The following SRGAP2B variants were observed in gnomAD, a reference collection of about 807,000 sequenced individuals.
SRGAP2B encodes the protein SLIT-ROBO Rho GTPase activating protein 2B, also known as SLIT-ROBO Rho GTPase-activating protein 2B.
A neutral mutation model predicts 22.2 loss-of-function variants in SRGAP2B; 9 were observed. The observed-to-expected ratio is 0.41, with a 90% CI of 0.24 to 0.71. The LOEUF is 0.71. SRGAP2B is among the 30% of genes least tolerant of loss of function. SRGAP2B has a pLI of 0.35. For missense variants in SRGAP2B, 114 were observed against 235.8 expected (o/e 0.48, Z 3.38); for synonymous variants, 36 against 87.4 (o/e 0.41, Z 3.28).
chr1:144,975,080 C>T (rs2102031519), intron 3 of SRGAP2B, among the ~76,000 whole-genome samples: 1 of 148,792 alleles, frequency 6.7e-6, no homozygotes, highest in Non-Finnish European at 1.5e-5. Context: ...GGCCTATGTC[C>T]CCATCACTGA....
At chr1:144,932,364 T>C (rs141606320) in intron 4 of SRGAP2B, among the ~76,000 whole-genome samples, 3,305 of 151,066 alleles carry the variant, frequency 0.022, 270 homozygotes, top group African/African-American at 0.076. Context: ...TTCTCTCCAC[T>C]GCCCTTGACA....
At chr1:144,943,791 G>C (rs1439605155) in intron 4 of SRGAP2B, among the ~76,000 whole-genome samples, 1 of 149,208 alleles carries the variant, frequency 6.7e-6, no homozygotes, top group East Asian at 1.9e-4. Flanking sequence ...ATACATAATA[G>C]CCTCAAACTG....
chr1:144,971,790 A>T (rs1352944466), intron 3 of SRGAP2B, among the ~76,000 whole-genome samples: 1 of 150,898 alleles, frequency 6.6e-6, no homozygotes, highest in African/African-American at 2.5e-5. Context: ...TAGAGTCTAG[A>T]CCAAGCCTGT....
intron 2 of SRGAP2B, among the ~76,000 whole-genome samples, chr1:145,031,762 G>A (rs1161015422): frequency 2.4e-4 from 34 of 144,438 alleles, no homozygotes; most frequent in Admixed American, 1.4e-3. Flanking sequence ...CAGGAGAATG[G>A]CGTGAACCCG....
intron 4 of SRGAP2B, among the ~76,000 whole-genome samples, chr1:144,945,858 A>C (rs1199438743): frequency 5.8e-5 from 4 of 69,270 alleles, no homozygotes; most frequent in African/African-American, 2.6e-4. Context: ...AGTGGAGAGA[A>C]GGAGGGTTCA....
chr1:144,955,366 T>A, intron 4 of SRGAP2B, 73 bp downstream of exon 4: 1 of 794,208 alleles, frequency 1.3e-6, no homozygotes, highest in South Asian at 1.6e-5. Context: ...GTAATCAACA[T>A]AATATCTAAT....
chr1:144,911,476 A>G (rs1372366096), intron 5 of SRGAP2B, among the ~76,000 whole-genome samples: 14 of 149,072 alleles, frequency 9.4e-5, no homozygotes, highest in African/African-American at 3.6e-4. Flanking sequence ...CAGTTTCAGC[A>G]CTGACAATTT....
chr1:144,927,673 T>TTC (rs1338415244), intron 4 of SRGAP2B, among the ~76,000 whole-genome samples: 1 of 110,532 alleles, frequency 9.0e-6, no homozygotes, highest in African/African-American at 3.9e-5. Context: ...CAAATATTGC[T>TTC]TCTATCCCAT....
At chr1:144,925,225 G>A (rs1466400728) in intron 4 of SRGAP2B, among the ~76,000 whole-genome samples, 2 of 150,046 alleles carry the variant, frequency 1.3e-5, no homozygotes, top group South Asian at 2.1e-4. Flanking sequence ...GGATGATCTC[G>A]AACTCCTGAC....
chr1:144,955,580 A>G (rs1553610150), exon 4 of SRGAP2B: 2 of 899,416 alleles, frequency 2.2e-6, no homozygotes, highest in South Asian at 2.8e-5. Context: ...AGTTGACTGG[A>G]GAGAGAACAT....
At chr1:145,022,334 A>C (rs1553624286) in intron 2 of SRGAP2B, among the ~76,000 whole-genome samples, 2 of 95,976 alleles carry the variant, frequency 2.1e-5, no homozygotes, top group Non-Finnish European at 4.0e-5. Flanking sequence ...CCACCCCCCA[A>C]CCCCACACAC....
intron 4 of SRGAP2B, among the ~76,000 whole-genome samples, chr1:144,932,313 G>A (rs1165910854): frequency 3.3e-5 from 5 of 150,834 alleles, no homozygotes; most frequent in Non-Finnish European, 4.4e-5. Context: ...CTCCACAGGC[G>A]CTACAGGGCT....
chr1:144,990,905 T>C (rs1329187442), intron 3 of SRGAP2B, among the ~76,000 whole-genome samples: 2 of 151,176 alleles, frequency 1.3e-5, no homozygotes, highest in African/African-American at 4.9e-5. Context: ...GCTCGGGACC[T>C]GCAGCCCGCC....
rs1330252356 is a variant in SRGAP2B at position 145,003,355 on chromosome 1, A to AAGAG, written c.68-8159_68-8156dup. 4.2e-5 allele frequency among the ~76,000 whole-genome samples: 6 copies of AAGAG among 142,434 alleles called. No individual in the cohort carries two copies. The East Asian group carries it at 1.0e-3, about 24-fold the overall frequency. The allele number at this position is 142,434 out of a possible 152,430, so 93.4% of individuals were successfully genotyped here. On this transcript the variant is annotated intron_variant, in intron 2 of 9. Coordinates refer to ENST00000612199, the Ensembl canonical transcript of SRGAP2B. ...TGTGGAGGGAAGGCAGGAGAGGAGA[A>AAGAG]AGAGAGAGAGAAAGGGAAGGAAACA...
chr1:145,044,200 G>A (rs1403717799), intron 2 of SRGAP2B, among the ~76,000 whole-genome samples: 4 of 131,094 alleles, frequency 3.1e-5, no homozygotes, highest in African/African-American at 1.3e-4. Context: ...ATAGATCCTG[G>A]AACACCTTTT....
chr1:144,940,799 CAAAAAAAAAAA>C (rs71249180), intron 4 of SRGAP2B, among the ~76,000 whole-genome samples: 2 of 83,398 alleles, frequency 2.4e-5, no homozygotes, highest in Admixed American at 2.5e-4. Context: ...ACTCCATCTC[CAAAAAAAAAAA>C]AAAAAAAAGA....
At chr1:144,973,916 A>G (rs1359718701) in intron 3 of SRGAP2B, among the ~76,000 whole-genome samples, 14 of 144,586 alleles carry the variant, frequency 9.7e-5, no homozygotes, top group Non-Finnish European at 1.8e-4. Flanking sequence ...GATAAAGTCA[A>G]TAGAAGAATA....
intron 4 of SRGAP2B, among the ~76,000 whole-genome samples, chr1:144,931,718 C>A (rs1273387613): frequency 2.7e-5 from 4 of 148,302 alleles, no homozygotes; most frequent in Non-Finnish European, 4.4e-5. Flanking sequence ...CACCACGCAC[C>A]CTGGCCACAG....
chr1:144,998,700 A>G (rs1163145611), intron 2 of SRGAP2B, among the ~76,000 whole-genome samples: 1 of 151,122 alleles, frequency 6.6e-6, no homozygotes, highest in African/African-American at 2.5e-5. Flanking sequence ...CTCCCTTGTT[A>G]CCATCTTCAA....
Sources: gnomAD v4.1 joint callset for allele counts (sites outside exome capture counted in the v4.1 genomes callset) on GRCh38, gnomAD v4.1.1 for gene constraint, MANE v1.5 for transcripts, NCBI Gene and HGNC (gene_info 2026-07-23, HGNC 2026-07-21) for gene names.